Variants in PSMD8 observed in about 807,000 individuals in gnomAD.
PSMD8 encodes 26S proteasome non-ATPase regulatory subunit 8.
PSMD8 carries 30 observed loss-of-function variants against 40.0 expected under a neutral mutation model. The ratio of observed to expected loss-of-function variants is 0.75; its 90% CI spans 0.56 to 1.02. The LOEUF is 1.02. Among genes scored for constraint, PSMD8 ranks in the 50% least tolerant of loss-of-function variants. The pLI is 0.00. For missense variants in PSMD8, 461 were observed against 463.9 expected (o/e 0.99, Z 0.06); for synonymous variants, 208 against 192.5 (o/e 1.08, Z -0.67).
rs750170182 is a variant in PSMD8, at chr19:38,374,667, G to A, written c.66G>A (p.Gly22=). Residue 22 remains glycine (G), a synonymous_variant, in exon 1 of 7, where the codon GGG becomes GGA. Coordinates refer to ENST00000215071, the MANE Select transcript of PSMD8 (RefSeq NM_002812.5). The part of the protein sequence containing the change: ...PRERRRATRG[G]LRQVVAPPRA... ...AGCGACGGCGGGCTACCCGGGGCGGGCTGAGGCAGGTTGTAGCCCCGCCCC... is the reference window on the plus strand; with the variant it reads ...AGCGACGGCGGGCTACCCGGGGCGGACTGAGGCAGGTTGTAGCCCCGCCCC... The A allele has an allele frequency of 3.9e-6, 6 of 1,535,792 alleles. No individual in the cohort carries two copies. The highest frequency in any genetic ancestry group is 4.4e-6 in the Non-Finnish European group (5 of 1,145,056).
At chr19:38,376,107 T>C in intron 1 of PSMD8, 53 bp from the exon 2 acceptor site, 1 of 1,480,002 alleles carries the variant, frequency 6.8e-7, no homozygotes, top group Non-Finnish European at 9.3e-7. Flanking sequence ...AGGTAAGTCA[T>C]CTGTATTTGA....
intron 6 of PSMD8, chr19:38,382,587 A>G (rs566690687): frequency 4.2e-6 from 2 of 472,384 alleles, no homozygotes; most frequent in South Asian, 7.0e-5. Context: ...GGCTGGGACC[A>G]GGCTATGGAA....
At chr19:38,382,485 A>G in intron 6 of PSMD8, 4 of 556,868 alleles carry the variant, frequency 7.2e-6, no homozygotes, top group South Asian at 2.5e-5. Context: ...CTTTATCAAA[A>G]TTTCTTAGAG....
Position 38,374,663 on chromosome 19 carries a change from G to T in PSMD8, c.62G>T (p.Gly21Val). The change falls in exon 1 of 7, where the codon GGC becomes GTC. Residue 21 changes from glycine (G) to valine (V), a missense_variant. Physicochemically the swap from Gly to Val is moderately radical, Grantham distance 109 (BLOSUM62 -3). Coordinates refer to ENST00000215071, the MANE Select transcript of PSMD8 (RefSeq NM_002812.5). ...PPRERRRATR[G>V]GLRQVVAPPR... is the part of the protein sequence containing the mutation. ...CGAGAGCGACGGCGGGCTACCCGGG[G>T]CGGGCTGAGGCAGGTTGTAGCCCCG... 3.9e-6 allele frequency: 6 copies of T among 1,522,848 alleles called. No homozygotes were observed. The highest frequency in any genetic ancestry group is 4.4e-6 in the Non-Finnish European group (5 of 1,140,956). 94.3% of individuals were successfully genotyped at this position (1,522,848 alleles called of 1,614,324 possible).
Position 38,376,223 on chromosome 19 carries a change from A to G in PSMD8, c.424A>G (p.Ile142Val). 6.2e-7 allele frequency: 1 copy of G among 1,602,336 alleles called. No homozygotes were observed. The change falls in exon 2 of 7, where the codon ATT (isoleucine) becomes GTT (valine). Residue 142 changes from isoleucine (I) to valine (V), a missense_variant. Ile to Val is a conservative substitution (Grantham distance 29, BLOSUM62 3). Coordinates refer to ENST00000215071, the MANE Select transcript of PSMD8 (RefSeq NM_002812.5). ...GACCAAGCTGACCAAACAGCAGCTA[A>G]TTCTGGCCCGTGAGTGTCACTGGGG... The part of the protein sequence containing the change: ...TGTKLTKQQL[I>V]LARDILEIGA...
chr19:38,378,631 A>G (rs1970616043), intron 3 of PSMD8, among the ~76,000 whole-genome samples: 2 of 149,560 alleles, frequency 1.3e-5, no homozygotes, highest in African/African-American at 5.0e-5. Context: ...AGCCTGGGTG[A>G]CAGAGCAAGA....
intron 5 of PSMD8, among the ~76,000 whole-genome samples, chr19:38,381,795 G>A (rs960619765): frequency 6.6e-6 from 1 of 152,210 alleles, no homozygotes; most frequent in African/African-American, 2.4e-5. Flanking sequence ...GCACCCTGGT[G>A]ATGGGTGTTA....
chr19:38,376,804 C>T (rs772085161), intron 3 of PSMD8, among the ~76,000 whole-genome samples: 10 of 152,220 alleles, frequency 6.6e-5, no homozygotes, highest in African/African-American at 9.6e-5. Flanking sequence ...CAGAACCTGC[C>T]GTGGCTCTTC....
At chr19:38,382,593 T>C (rs1294622447) in intron 6 of PSMD8, 1 of 460,484 alleles carries the variant, frequency 2.2e-6, no homozygotes, top group Non-Finnish European at 3.8e-6. Flanking sequence ...GACCAGGCTA[T>C]GGAAGGTGAA....
At chr19:38,382,095 G>A in intron 5 of PSMD8, 22 bp from the exon 6 acceptor site, 1 of 1,535,730 alleles carries the variant, frequency 6.5e-7, no homozygotes, top group Non-Finnish European at 8.8e-7. Context: ...TCAGTAATGA[G>A]GAGCTTCTCA....
chr19:38,380,821 G>A, intron 4 of PSMD8, 78 bp from the exon 5 acceptor site: 1 of 1,130,608 alleles, frequency 8.8e-7, no homozygotes. Context: ...CACTAGGAGT[G>A]TGATGAGGCC....
At chr19:38,381,356 C>A (rs1012917790) in intron 5 of PSMD8, 2 of 188,150 alleles carry the variant, frequency 1.1e-5, no homozygotes, top group African/African-American at 4.7e-5. Context: ...ACTGTGGAAC[C>A]CTCAGTTTCT....
chr19:38,382,312 G>A, intron 6 of PSMD8, 84 bp downstream of exon 6: 3 of 1,057,266 alleles, frequency 2.8e-6, no homozygotes, highest in East Asian at 5.2e-5. Context: ...AGGGACACTG[G>A]AACAAGACTG....
chr19:38,381,039 C>T, intron 5 of PSMD8, 40 bp downstream of exon 5: 1 of 1,460,358 alleles, frequency 6.8e-7, no homozygotes. Context: ...TTGGAAAGAA[C>T]TTGGGCTTGA....
intron 6 of PSMD8, 45 bp from the exon 7 acceptor site, chr19:38,383,208 C>G: frequency 6.2e-7 from 1 of 1,610,824 alleles, no homozygotes; most frequent in South Asian, 1.1e-5. Flanking sequence ...GGGGATGGAG[C>G]CTTTGTGATC....
At chr19:38,378,014 G>A (rs543650509) in intron 3 of PSMD8, among the ~76,000 whole-genome samples, 1 of 152,320 alleles carries the variant, frequency 6.6e-6, no homozygotes, top group South Asian at 2.1e-4. Context: ...ACCTTACCTG[G>A]GTTGAATCAT....
chr19:38,374,980 G>C lies in PSMD8; in HGVS notation c.360+19G>C, dbSNP rs1446219311. ...ACTCAAGGTAAAGTCGGCAGGCCCA[G>C]GAAACCGAGTGTTGCGGGCGTGGGA... On this transcript the variant is annotated intron_variant, in intron 1 of 6. Coordinates refer to ENST00000215071, the MANE Select transcript of PSMD8 (RefSeq NM_002812.5). 1 of 1,544,626 alleles carries C rather than the reference G, an allele frequency of 6.5e-7. No homozygotes were observed. The highest frequency in any genetic ancestry group is 1.4e-5 in the African/African-American group (1 of 73,468).
chr19:38,376,006 C>A (rs763946060), intron 1 of PSMD8, among the ~76,000 whole-genome samples, 154 bp from the exon 2 acceptor site: 31 of 152,144 alleles, frequency 2.0e-4, no homozygotes, highest in Non-Finnish European at 4.1e-4. Flanking sequence ...GTGCTCAGGC[C>A]CTGTTCTGAG....
At chr19:38,382,962 G>A in intron 6 of PSMD8, 1 of 356,544 alleles carries the variant, frequency 2.8e-6, no homozygotes, top group Non-Finnish European at 5.2e-6. Context: ...TAGTGATGGT[G>A]ACAGCTGGTA....
Sources: allele counts gnomAD v4.1 joint callset (sites outside exome capture counted in the v4.1 genomes callset), GRCh38; gene constraint gnomAD v4.1.1; transcripts MANE v1.5; gene names NCBI Gene and HGNC (gene_info 2026-07-23, HGNC 2026-07-21).